GABRA5: variants seen among roughly 807,000 people sequenced by gnomAD.
GABRA5 encodes the protein gamma-aminobutyric acid type A receptor subunit alpha5.
Under a neutral mutation model 47.3 loss-of-function variants are expected in GABRA5, and 18 were observed. That is an observed-to-expected ratio of 0.38 (90% CI 0.26 to 0.56). The LOEUF is 0.56. Among genes scored for constraint, GABRA5 ranks in the 20% least tolerant of loss-of-function variants. The pLI, the probability that GABRA5 is intolerant of heterozygous loss-of-function variation, is 0.71. For missense variants in GABRA5, 365 were observed against 599.3 expected (o/e 0.61, Z 4.08); for synonymous variants, 237 against 229.3 (o/e 1.03, Z -0.30).
At chr15:26,939,121 C>G (rs779951083) in intron 8 of GABRA5, 10 of 699,952 alleles carry the variant, frequency 1.4e-5, no homozygotes, top group Non-Finnish European at 2.1e-5. Context: ...TGCTCTTCCT[C>G]CACCCCTCAA....
intron 6 of GABRA5, among the ~76,000 whole-genome samples, chr15:26,898,958 A>G (rs922081164): frequency 7.2e-5 from 11 of 151,730 alleles, no homozygotes; most frequent in Non-Finnish European, 1.5e-4. Context: ...TGTAGCCTGA[A>G]CTCCTGGGCT....
intron 6 of GABRA5, among the ~76,000 whole-genome samples, chr15:26,912,939 T>C (rs1204230524): frequency 6.6e-6 from 1 of 152,190 alleles, no homozygotes; most frequent in Non-Finnish European, 1.5e-5. Context: ...TCCCAGCACC[T>C]TGGGAAGTCG....
intron 10 of GABRA5, among the ~76,000 whole-genome samples, chr15:26,945,257 G>A (rs924914989): frequency 2.0e-5 from 3 of 152,170 alleles, no homozygotes; most frequent in East Asian, 1.9e-4. Flanking sequence ...CACACCCCGC[G>A]GTCAGACACT....
chr15:26,893,085 G>A (rs1893053045), intron 6 of GABRA5, among the ~76,000 whole-genome samples: 1 of 149,622 alleles, frequency 6.7e-6, no homozygotes, highest in South Asian at 2.2e-4. Context: ...CGTGTTTGGG[G>A]GTGTATGGTG....
chr15:26,873,209 C>T (rs1441920046), intron 3 of GABRA5, among the ~76,000 whole-genome samples: 1 of 152,040 alleles, frequency 6.6e-6, no homozygotes. Flanking sequence ...AATATAATGT[C>T]AAAATACATA....
chr15:26,946,789 C>CA (rs61497260), intron 10 of GABRA5, among the ~76,000 whole-genome samples: 136,274 of 149,916 alleles, frequency 0.91, 62,017 homozygotes, highest in African/African-American at 0.94. Context: ...ATTTTATATC[C>CA]AAAAAAAAAA....
chr15:26,921,964 A>G (rs1024049512), intron 7 of GABRA5, among the ~76,000 whole-genome samples: 16 of 152,126 alleles, frequency 1.1e-4, no homozygotes, highest in African/African-American at 3.9e-4. Flanking sequence ...TGCCCTCTGT[A>G]TAATTACAAT....
At chr15:26,943,654 A>G (rs952356269) in intron 10 of GABRA5, among the ~76,000 whole-genome samples, 1 of 152,190 alleles carries the variant, frequency 6.6e-6, no homozygotes, top group African/African-American at 2.4e-5. Flanking sequence ...ATTCAAGCCT[A>G]TTATTTTGGC....
chr15:26,884,800 G>A (rs905386852), intron 6 of GABRA5, among the ~76,000 whole-genome samples: 5 of 152,166 alleles, frequency 3.3e-5, no homozygotes, highest in Non-Finnish European at 7.4e-5. Flanking sequence ...CCTTTTGGAG[G>A]GGGTTTACCA....
intron 6 of GABRA5, among the ~76,000 whole-genome samples, chr15:26,904,511 T>C (rs1054818309): frequency 6.6e-6 from 1 of 152,126 alleles, no homozygotes; most frequent in Non-Finnish European, 1.5e-5. Context: ...ATGTCATTGG[T>C]AGGTTGATAG....
At chr15:26,901,600 G>C (rs1031371137) in intron 6 of GABRA5, among the ~76,000 whole-genome samples, 1 of 152,030 alleles carries the variant, frequency 6.6e-6, no homozygotes, top group Non-Finnish European at 1.5e-5. Context: ...CTCCTACTGT[G>C]TGACTTGTCT....
At chr15:26,940,136 G>A (rs1025155116) in intron 9 of GABRA5, 59 bp downstream of exon 9, 31 of 1,480,254 alleles carry the variant, frequency 2.1e-5, no homozygotes, top group Middle Eastern at 2.0e-4. Context: ...CTAACCACCC[G>A]GAAGCAACAG....
At chr15:26,902,901 T>A (rs970435854) in intron 6 of GABRA5, among the ~76,000 whole-genome samples, 2 of 152,138 alleles carry the variant, frequency 1.3e-5, no homozygotes, top group African/African-American at 2.4e-5. Flanking sequence ...AATATGAACA[T>A]GTGATTTTTC....
upstream of GABRA5, chr15:26,866,774 C>T (rs1566859240): frequency 6.6e-6 from 1 of 152,312 alleles, no homozygotes; most frequent in Non-Finnish European, 1.5e-5. Flanking sequence ...CGGGAAGGAC[C>T]CAGGCCTGGG....
chr15:26,872,724 G>A (rs1892503170), intron 3 of GABRA5, among the ~76,000 whole-genome samples: 1 of 152,198 alleles, frequency 6.6e-6, no homozygotes, highest in Non-Finnish European at 1.5e-5. Flanking sequence ...GGCAGTGGGT[G>A]AGGAGGACTA....
At position 26,947,950 on chromosome 15, in the gene GABRA5, T is replaced by C; in HGVS notation, c.1106T>C (p.Ile369Thr). Reference sequence around the variant, plus strand: ...ATTTTGCAGAAAAAGCGTGAAGTCATACTAAATAAGTCAACAAACGCTTTT... The same window carrying C: ...ATTTTGCAGAAAAAGCGTGAAGTCACACTAAATAAGTCAACAAACGCTTTT... ...AAKIKKKREV[I>T]LNKSTNAFTT... Residue 369 changes from isoleucine (I) to threonine (T), a missense_variant, in exon 11 of 11, where the codon ATA becomes ACA. By Grantham distance (89) the Ile-to-Thr change is moderately conservative. Transcript: ENST00000335625. 6.3e-7 allele frequency: 1 copy of C among 1,578,324 alleles called. No individual in the cohort carries two copies.
At chr15:26,930,006 C>CTT (rs72082419) in intron 7 of GABRA5, among the ~76,000 whole-genome samples, 37 of 113,358 alleles carry the variant, frequency 3.3e-4, no homozygotes, top group African/African-American at 6.6e-4. Context: ...TCTTCTTCTT[C>CTT]TTTTTTTTTT....
At chr15:26,910,699 A>C (rs1023962775) in intron 6 of GABRA5, among the ~76,000 whole-genome samples, 7 of 152,180 alleles carry the variant, frequency 4.6e-5, no homozygotes, top group African/African-American at 1.4e-4. Context: ...GTCTTAACAG[A>C]AATTGGAAGT....
At chr15:26,875,263 T>C (rs34464131) in intron 3 of GABRA5, among the ~76,000 whole-genome samples, 58,117 of 152,042 alleles carry the variant, frequency 0.38, 11,365 homozygotes, top group East Asian at 0.47. Context: ...CTGAGCACAG[T>C]AAGGTCATTG....
Sources: gnomAD v4.1 joint callset for allele counts (sites outside exome capture counted in the v4.1 genomes callset) on GRCh38, gnomAD v4.1.1 for gene constraint, MANE v1.5 for transcripts, NCBI Gene and HGNC (gene_info 2026-07-23, HGNC 2026-07-21) for gene names.